NRP1: variants seen among roughly 807,000 people sequenced by gnomAD.
NRP1 encodes the protein neuropilin-1.
Under a neutral mutation model 106.7 loss-of-function variants are expected in NRP1, and 35 were observed. That is an observed-to-expected ratio of 0.33 (90% CI 0.25 to 0.43). NRP1 has a LOEUF of 0.43. Among genes scored for constraint, NRP1 ranks in the 20% least tolerant of loss-of-function variants. NRP1 has a pLI of 1.00. For synonymous variants in NRP1, 437 were observed against 417.9 expected, an observed-to-expected ratio of 1.05 and a Z score of -0.56; for missense variants, 1,024 against 1,170.4, an observed-to-expected ratio of 0.87 and a Z score of 1.83.
At chr10:33,200,126 T>C (rs191489292) in intron 11 of NRP1, among the ~76,000 whole-genome samples, 5 of 152,318 alleles carry the variant, frequency 3.3e-5, no homozygotes, top group Non-Finnish European at 2.9e-5. Context: ...GAGGCCAGGA[T>C]ACATTAGCGT....
chr10:33,190,324 T>A (rs559110140), intron 13 of NRP1, among the ~76,000 whole-genome samples: 1 of 152,370 alleles, frequency 6.6e-6, no homozygotes, highest in South Asian at 2.1e-4. Flanking sequence ...TTTGGCTAAT[T>A]GCATTTAGTT....
intron 6 of NRP1, among the ~76,000 whole-genome samples, chr10:33,238,868 T>C (rs112940514): frequency 1.3e-5 from 2 of 152,054 alleles, no homozygotes; most frequent in African/African-American, 4.8e-5. Context: ...CCTAATATTT[T>C]TTTACTTAGT....
intron 6 of NRP1, among the ~76,000 whole-genome samples, chr10:33,250,797 C>G (rs892444895): frequency 1.3e-5 from 2 of 152,146 alleles, no homozygotes; most frequent in African/African-American, 4.8e-5. Context: ...TAGGACAGAT[C>G]GGGCCACATT....
chr10:33,287,304 T>C (rs1844638607), intron 2 of NRP1, among the ~76,000 whole-genome samples: 1 of 152,228 alleles, frequency 6.6e-6, no homozygotes, highest in African/African-American at 2.4e-5. Context: ...TGCAAATATT[T>C]GAACAGTAAT....
chr10:33,194,952 G>C lies in NRP1; in HGVS notation c.1925-2534C>G, dbSNP rs878937095. Among the ~76,000 whole-genome samples, 7 of 152,306 alleles carry C rather than the reference G, an allele frequency of 4.6e-5. No individual in the cohort carries two copies. In the South Asian group the frequency reaches 1.4e-3, roughly 32 times the overall value. ...TTTACGTTTTCAAAATATTACCCAA[G>C]CCCTGGCGGGGCACACAACTCTCAT... On this transcript the variant is annotated intron_variant, in intron 12 of 16. Coordinates refer to ENST00000374867, the MANE Select transcript of NRP1 (RefSeq NM_003873.7).
intron 2 of NRP1, among the ~76,000 whole-genome samples, chr10:33,310,770 C>T (rs1057152593): frequency 5.9e-5 from 9 of 152,052 alleles, no homozygotes; most frequent in African/African-American, 1.9e-4. Context: ...AAGAAATAAG[C>T]GTGAAATGGA....
chr10:33,263,981 T>C, intron 3 of NRP1, 108 bp from the exon 4 acceptor site: 1 of 715,258 alleles, frequency 1.4e-6, no homozygotes, highest in Non-Finnish European at 2.4e-6. Flanking sequence ...AGCCCGCCAG[T>C]ATAACCACTG....
intron 9 of NRP1, chr10:33,212,980 A>C (rs572489871): frequency 1.0e-4 from 50 of 491,712 alleles, no homozygotes; most frequent in African/African-American, 8.4e-4. Context: ...CCACAATAAA[A>C]ATTTATAAAA....
chr10:33,230,047 C>T (rs16934232), intron 6 of NRP1, among the ~76,000 whole-genome samples: 1 of 151,898 alleles, frequency 6.6e-6, no homozygotes, highest in Non-Finnish European at 1.5e-5. Flanking sequence ...GCAACTAAAA[C>T]CGGATAGTAC....
intron 2 of NRP1, among the ~76,000 whole-genome samples, chr10:33,312,092 G>A (rs1481269333): frequency 1.3e-5 from 2 of 152,152 alleles, no homozygotes; most frequent in South Asian, 2.1e-4. Context: ...GGAGAAAAGT[G>A]CAATTAATAT....
intron 9 of NRP1, 58 bp downstream of exon 9, chr10:33,213,328 G>C: frequency 6.2e-7 from 1 of 1,614,140 alleles, no homozygotes; most frequent in Middle Eastern, 1.6e-4. Flanking sequence ...AATGCCAGAG[G>C]CCCTTGATTG....
intron 3 of NRP1, among the ~76,000 whole-genome samples, chr10:33,269,989 C>A (rs1490853134): frequency 6.6e-6 from 1 of 152,116 alleles, no homozygotes; most frequent in Non-Finnish European, 1.5e-5. Context: ...ATAAAGTGCA[C>A]AATAAATGTA....
intron 6 of NRP1, among the ~76,000 whole-genome samples, chr10:33,246,953 G>A (rs1841473626): frequency 6.6e-6 from 1 of 151,926 alleles, no homozygotes; most frequent in Non-Finnish European, 1.5e-5. Flanking sequence ...CCAGCAATTT[G>A]GTGAAAAAAA....
At chr10:33,207,356 G>T (rs936717164) in intron 10 of NRP1, among the ~76,000 whole-genome samples, 1 of 151,478 alleles carries the variant, frequency 6.6e-6, no homozygotes, top group Non-Finnish European at 1.5e-5. Flanking sequence ...AATCCGAGGA[G>T]AGTCATGCAA....
chr10:33,245,275 T>C (rs939748053), intron 6 of NRP1, among the ~76,000 whole-genome samples: 2 of 152,210 alleles, frequency 1.3e-5, no homozygotes, highest in African/African-American at 4.8e-5. Context: ...AAGTAGGATA[T>C]CTAGCAATGT....
At chr10:33,219,267 C>T (rs1588754143) in intron 8 of NRP1, among the ~76,000 whole-genome samples, 1 of 152,122 alleles carries the variant, frequency 6.6e-6, no homozygotes, top group African/African-American at 2.4e-5. Context: ...GACCAGAAAA[C>T]GGAGATCAGA....
At chr10:33,296,620 C>T (rs1845405369) in intron 2 of NRP1, among the ~76,000 whole-genome samples, 1 of 152,146 alleles carries the variant, frequency 6.6e-6, no homozygotes. Context: ...GGTAATTTGG[C>T]AGCTTTGTGT....
intron 6 of NRP1, among the ~76,000 whole-genome samples, chr10:33,238,273 G>A (rs1840736652): frequency 6.6e-6 from 1 of 152,178 alleles, no homozygotes; most frequent in African/African-American, 2.4e-5. Context: ...TCAATGAAAT[G>A]GCACAGAAAC....
intron 13 of NRP1, among the ~76,000 whole-genome samples, chr10:33,189,876 T>C (rs1836290118): frequency 6.6e-6 from 1 of 152,352 alleles, no homozygotes; most frequent in Admixed American, 6.5e-5. Context: ...TGGATCTTTT[T>C]CCCGTTAACA....
Sources: gnomAD v4.1 joint callset for allele counts (sites outside exome capture counted in the v4.1 genomes callset) on GRCh38, gnomAD v4.1.1 for gene constraint, MANE v1.5 for transcripts, NCBI Gene and HGNC (gene_info 2026-07-23, HGNC 2026-07-21) for gene names.